HSF2BP: variants seen among roughly 807,000 people sequenced by gnomAD.
The protein encoded by HSF2BP is heat shock transcription factor 2 binding protein, also known as heat shock factor 2-binding protein.
In HSF2BP, 35 loss-of-function variants were observed where a neutral mutation model predicts 35.0. The observed-to-expected ratio is 1.00, with a 90% CI of 0.76 to 1.32. The LOEUF is 1.32. HSF2BP is among the 40% of genes most tolerant of loss of function. HSF2BP has a pLI of 0.00. For synonymous variants in HSF2BP, 114 were observed against 117.4 expected, an observed-to-expected ratio of 0.97 and a Z score of 0.18; for missense variants, 326 against 321.7, an observed-to-expected ratio of 1.01 and a Z score of -0.10.
At chr21:43,614,808 G>A (rs550370625) in intron 6 of HSF2BP, among the ~76,000 whole-genome samples, 36 of 152,194 alleles carry the variant, frequency 2.4e-4, no homozygotes, top group African/African-American at 7.0e-4. Flanking sequence ...TTCTGGTCCC[G>A]GGCATTTCAG....
intron 3 of HSF2BP, among the ~76,000 whole-genome samples, chr21:43,651,298 A>G (rs1322537096): frequency 6.6e-6 from 1 of 152,202 alleles, no homozygotes; most frequent in African/African-American, 2.4e-5. Context: ...TTTTGTAGAC[A>G]CTAATCAGCA....
intron 3 of HSF2BP, among the ~76,000 whole-genome samples, chr21:43,647,002 T>C (rs2082717380): frequency 6.6e-6 from 1 of 152,238 alleles, no homozygotes; most frequent in African/African-American, 2.4e-5. Context: ...TGGAATATAG[T>C]AGGCAATACA....
At chr21:43,582,056 G>A (rs2081750469) in intron 8 of HSF2BP, among the ~76,000 whole-genome samples, 1 of 135,852 alleles carries the variant, frequency 7.4e-6, no homozygotes, top group Admixed American at 7.1e-5. Context: ...TGTGGGGGAT[G>A]AGGGCCTGCT....
intron 3 of HSF2BP, among the ~76,000 whole-genome samples, chr21:43,654,379 A>T (rs2082837183): frequency 1.3e-5 from 2 of 152,216 alleles, no homozygotes; most frequent in African/African-American, 4.8e-5. Context: ...CGTCTATTTG[A>T]ACGTTGTAGT....
At chr21:43,613,008 A>T (rs2082227908) in intron 7 of HSF2BP, among the ~76,000 whole-genome samples, 1 of 152,192 alleles carries the variant, frequency 6.6e-6, no homozygotes, top group African/African-American at 2.4e-5. Context: ...TAACCAGCTG[A>T]CTCAAGAGTT....
At chr21:43,601,053 G>A (rs998246529) in intron 7 of HSF2BP, among the ~76,000 whole-genome samples, 1 of 152,136 alleles carries the variant, frequency 6.6e-6, no homozygotes, top group Admixed American at 6.5e-5. Flanking sequence ...CCATCTTGTA[G>A]ACATTTAGGT....
intron 8 of HSF2BP, among the ~76,000 whole-genome samples, chr21:43,587,910 C>T (rs1453761429): frequency 2.0e-5 from 3 of 152,146 alleles, no homozygotes; most frequent in South Asian, 2.1e-4. Context: ...CGGAAACTTC[C>T]GGAGGACCAG....
At chr21:43,641,894 C>T (rs946869642) in intron 4 of HSF2BP, among the ~76,000 whole-genome samples, 40 of 136,640 alleles carry the variant, frequency 2.9e-4, no homozygotes, top group East Asian at 1.1e-3. Context: ...CCAGCCTGGA[C>T]GACAGAGCAA....
Position 43,658,291 on chromosome 21 carries a change from C to T in HSF2BP, c.-195G>A. On this transcript the variant is annotated 5_prime_UTR_variant, in exon 2 of 9. Transcript: ENST00000291560. Reference sequence around the variant, plus strand: ...TTGGCGAGGTCCCTCTTTGGCTCTTCTGGCTTAGCCGGGGTTTTAAACTTG... The same window carrying T: ...TTGGCGAGGTCCCTCTTTGGCTCTTTTGGCTTAGCCGGGGTTTTAAACTTG... 1 of 608,332 alleles carries T rather than the reference C, an allele frequency of 1.6e-6. No individual in the cohort carries two copies. The highest frequency in any genetic ancestry group is 2.8e-6 in the Non-Finnish European group (1 of 361,026). 37.7% of individuals were successfully genotyped at this position (608,332 alleles called of 1,614,324 possible). A position where few individuals can be genotyped will look rare whatever the true frequency, so the allele number is the denominator to read the frequency against.
intron 7 of HSF2BP, among the ~76,000 whole-genome samples, chr21:43,599,257 C>T (rs2082023276): frequency 1.3e-5 from 2 of 152,322 alleles, no homozygotes; most frequent in South Asian, 4.1e-4. Flanking sequence ...CTTACAACAA[C>T]CATGTTGCCA....
intron 4 of HSF2BP, among the ~76,000 whole-genome samples, chr21:43,640,866 T>A (rs778640186): frequency 6.6e-5 from 10 of 151,504 alleles, no homozygotes; most frequent in South Asian, 2.1e-4. Flanking sequence ...TGCAAAAAAA[T>A]TTTTGTGGTA....
At chr21:43,617,243 T>C (rs773726471) in intron 6 of HSF2BP, among the ~76,000 whole-genome samples, 2 of 151,770 alleles carry the variant, frequency 1.3e-5, no homozygotes, top group Non-Finnish European at 1.5e-5. Flanking sequence ...AAAAAATATA[T>C]ATATATGTAT....
In HSF2BP at chr21:43,658,159, GA is replaced by G; in HGVS notation, c.-64del. 6.9e-7 allele frequency: 1 copy of G among 1,455,000 alleles called. No individual in the cohort carries two copies. Among genetic ancestry groups the G allele is most frequent in the South Asian group, 1.4e-5 (1 of 73,288 alleles). 90.1% of individuals were successfully genotyped at this position (1,455,000 alleles called of 1,614,324 possible). A position where few individuals can be genotyped will look rare whatever the true frequency, so the allele number is the denominator to read the frequency against. Reference sequence around the variant, plus strand: ...GCGCGCCCTCTGACCCCTCACGCCAGAAAGCGCGGGAACGAATCCACGCCGG... The same window carrying G: ...GCGCGCCCTCTGACCCCTCACGCCAGAAGCGCGGGAACGAATCCACGCCGG... On this transcript the variant is annotated 5_prime_UTR_variant, in exon 2 of 9. Coordinates refer to ENST00000291560, the MANE Select transcript of HSF2BP (RefSeq NM_007031.2).
intron 4 of HSF2BP, among the ~76,000 whole-genome samples, chr21:43,636,222 AG>A (rs1399540152): frequency 1.4e-5 from 1 of 73,998 alleles, no homozygotes; most frequent in Non-Finnish European, 2.5e-5. Flanking sequence ...AGAAAAGAAA[AG>A]AAAAGAAAAG....
At chr21:43,618,580 T>C (rs559000424) in intron 6 of HSF2BP, among the ~76,000 whole-genome samples, 11 of 152,018 alleles carry the variant, frequency 7.2e-5, no homozygotes, top group East Asian at 3.9e-4. Context: ...AGGAAGGAAG[T>C]TGAATACCTA....
chr21:43,633,240 C>T (rs777252829), intron 5 of HSF2BP, 32 bp downstream of exon 5: 9 of 1,593,124 alleles, frequency 5.6e-6, no homozygotes, highest in Non-Finnish European at 7.7e-6. Flanking sequence ...CAGTAATCAA[C>T]AATATCTGGA....
intron 8 of HSF2BP, among the ~76,000 whole-genome samples, chr21:43,579,875 C>T (rs922467242): frequency 6.6e-6 from 1 of 152,230 alleles, no homozygotes; most frequent in Non-Finnish European, 1.5e-5. Flanking sequence ...ATTCTCACAG[C>T]CACCCTGTTC....
intron 8 of HSF2BP, among the ~76,000 whole-genome samples, chr21:43,571,965 A>T (rs560483876): frequency 6.6e-6 from 1 of 152,130 alleles, no homozygotes; most frequent in Non-Finnish European, 1.5e-5. Context: ...AAGCCGAGGG[A>T]ACCACCAACA....
chr21:43,606,766 G>A (rs1263408419), intron 7 of HSF2BP, among the ~76,000 whole-genome samples: 1 of 152,122 alleles, frequency 6.6e-6, no homozygotes, highest in Admixed American at 6.6e-5. Context: ...ATGCCTGGAT[G>A]GTCAGAAAAG....
Sources: gnomAD v4.1 joint callset for allele counts (sites outside exome capture counted in the v4.1 genomes callset) on GRCh38, gnomAD v4.1.1 for gene constraint, MANE v1.5 for transcripts, NCBI Gene and HGNC (gene_info 2026-07-23, HGNC 2026-07-21) for gene names.